Variants in GRIA1 observed in about 807,000 individuals in gnomAD.
GRIA1 encodes glutamate receptor 1.
Under a neutral mutation model 99.2 loss-of-function variants are expected in GRIA1, and 31 were observed. The ratio of observed to expected loss-of-function variants is 0.31; its 90% CI spans 0.23 to 0.42. GRIA1 has a LOEUF of 0.42. Ranked by LOEUF, GRIA1 falls within the 10% of genes least tolerant of loss-of-function variation. The pLI, the probability that GRIA1 is intolerant of heterozygous loss-of-function variation, is 1.00. For synonymous variants in GRIA1, 438 were observed against 432.4 expected (o/e 1.01, Z -0.16); for missense variants, 782 against 1,157.5 (o/e 0.68, Z 4.71).
At chr5:153,666,328 C>A (rs1218702386) in intron 5 of GRIA1, among the ~76,000 whole-genome samples, 1 of 152,124 alleles carries the variant, frequency 6.6e-6, no homozygotes, top group African/African-American at 2.4e-5. Context: ...AGGGCCCCTG[C>A]ACGTTCAAAG....
At chr5:153,655,245 C>T (rs1156416959) in intron 4 of GRIA1, among the ~76,000 whole-genome samples, 1 of 152,178 alleles carries the variant, frequency 6.6e-6, no homozygotes. Flanking sequence ...GAGTACCTAA[C>T]TGATTCGGGG....
At chr5:153,610,478 A>G (rs1765882005) in intron 2 of GRIA1, among the ~76,000 whole-genome samples, 1 of 152,216 alleles carries the variant, frequency 6.6e-6, no homozygotes, top group Non-Finnish European at 1.5e-5. Flanking sequence ...CTTTGTTGTT[A>G]TCGTTGTTGT....
chr5:153,811,481 A>T lies in GRIA1; in HGVS notation c.*256A>T, dbSNP rs2149684422. ...AATAACACTGTACTGCAATAAGGGG[A>T]GAGTAACCCTGTCTAATGAAACCTG... On this transcript the variant is annotated 3_prime_UTR_variant, in exon 16 of 16. Transcript: ENST00000285900. 4.6e-6 allele frequency: 2 copies of T among 433,050 alleles called. No individual in the cohort carries two copies. The highest frequency in any genetic ancestry group is 2.3e-5 in the South Asian group (1 of 42,564). The allele number at this position is 433,050 out of a possible 1,614,324, so 26.8% of individuals were successfully genotyped here.
chr5:153,507,895 G>A (rs565286898), intron 2 of GRIA1, among the ~76,000 whole-genome samples: 2 of 152,248 alleles, frequency 1.3e-5, no homozygotes, highest in East Asian at 1.9e-4. Context: ...ACTACCTAGT[G>A]TTGCCACAAA....
intron 13 of GRIA1, among the ~76,000 whole-genome samples, chr5:153,788,966 C>CCATAT (rs1367378436): frequency 6.6e-6 from 1 of 152,178 alleles, no homozygotes; most frequent in Non-Finnish European, 1.5e-5. Flanking sequence ...CATTTCTTTT[C>CCATAT]CATATTGACT....
At chr5:153,773,391 T>A (rs1049230321) in intron 13 of GRIA1, among the ~76,000 whole-genome samples, 16 of 152,118 alleles carry the variant, frequency 1.1e-4, no homozygotes, top group Non-Finnish European at 2.1e-4. Context: ...GCCAGGTCCT[T>A]TGCACCTATT....
chr5:153,762,573 G>C (rs1253803285), intron 11 of GRIA1, among the ~76,000 whole-genome samples: 1 of 152,090 alleles, frequency 6.6e-6, no homozygotes, highest in Non-Finnish European at 1.5e-5. Context: ...GTATATCCTG[G>C]TCTACCTACT....
intron 2 of GRIA1, among the ~76,000 whole-genome samples, chr5:153,527,956 C>T (rs1417908617): frequency 6.6e-6 from 1 of 152,136 alleles, no homozygotes; most frequent in Non-Finnish European, 1.5e-5. Context: ...AAGCTTAGTG[C>T]ACACAATTAC....
chr5:153,574,448 T>G (rs1762371999), intron 2 of GRIA1: 2 of 152,180 alleles, frequency 1.3e-5, no homozygotes. Flanking sequence ...AGGAAAAATA[T>G]AAGCCTCTTT....
At chr5:153,633,416 G>A (rs1011825457) in intron 2 of GRIA1, among the ~76,000 whole-genome samples, 1 of 152,134 alleles carries the variant, frequency 6.6e-6, no homozygotes, top group Non-Finnish European at 1.5e-5. Context: ...AGCAGGAGTT[G>A]TTTCCTGCCA....
At chr5:153,651,861 T>C (rs1176837316) in intron 4 of GRIA1, among the ~76,000 whole-genome samples, 1 of 152,166 alleles carries the variant, frequency 6.6e-6, no homozygotes, top group African/African-American at 2.4e-5. Flanking sequence ...AAGATAATAG[T>C]TAAGAGCAGA....
chr5:153,577,771 A>T (rs1042439812), intron 2 of GRIA1, among the ~76,000 whole-genome samples: 1 of 152,162 alleles, frequency 6.6e-6, no homozygotes, highest in African/African-American at 2.4e-5. Flanking sequence ...AGTAAGGGGG[A>T]CAAGACACCT....
chr5:153,731,123 G>T (rs1191631864), intron 11 of GRIA1, among the ~76,000 whole-genome samples: 1 of 152,014 alleles, frequency 6.6e-6, no homozygotes, highest in Non-Finnish European at 1.5e-5. Flanking sequence ...CAACTCTGAA[G>T]GATAAAGTCT....
At chr5:153,555,682 G>C (rs775892236) in intron 2 of GRIA1, among the ~76,000 whole-genome samples, 7 of 152,172 alleles carry the variant, frequency 4.6e-5, no homozygotes, top group Non-Finnish European at 7.3e-5. Context: ...TGCATACAGA[G>C]ACTGATCTAG....
At position 153,490,860 on chromosome 5, in the gene GRIA1, G is replaced by A; in HGVS notation, c.-29G>A. The A allele has an allele frequency of 1.9e-6, 3 of 1,543,688 alleles. No homozygotes were observed. The highest frequency in any genetic ancestry group is 2.7e-6 in the Non-Finnish European group (3 of 1,116,026). On this transcript the variant is annotated 5_prime_UTR_variant, in exon 1 of 16. Coordinates refer to ENST00000285900, the MANE Select transcript of GRIA1 (RefSeq NM_000827.4). ...ACACCAAATCTATGATTGGACCTGG[G>A]CTTCTTTTTCGCCAATGCAAAAAGG...
chr5:153,811,569 A>G lies in GRIA1; in HGVS notation c.*344A>G. 3.7e-6 allele frequency: 1 copy of G among 270,228 alleles called. No individual in the cohort carries two copies. Among genetic ancestry groups the G allele is most frequent in the Non-Finnish European group, 7.2e-6 (1 of 137,954 alleles). 16.7% of individuals were successfully genotyped at this position (270,228 alleles called of 1,614,324 possible). On this transcript the variant is annotated 3_prime_UTR_variant, in exon 16 of 16. Transcript: ENST00000285900. ...AAACTGCACTGTTTTATTTTAATTC[A>G]GTTGTTAGTGTGTCTTAGTGTGTGC...
At chr5:153,802,597 C>T in intron 15 of GRIA1, 107 bp downstream of exon 15, 2 of 1,084,338 alleles carry the variant, frequency 1.8e-6, no homozygotes, top group South Asian at 2.7e-5. Flanking sequence ...TGGTTGAGGT[C>T]AGCACAAGAC....
rs1256352252 is a variant in GRIA1 at position 153,550,583 on chromosome 5, T to C, written c.220+56518T>C. 3.3e-5 allele frequency among the ~76,000 whole-genome samples: 5 copies of C among 152,084 alleles called. 1 individual carries two copies. The highest frequency in any genetic ancestry group is 1.5e-5 in the Non-Finnish European group (1 of 68,012). ...AACCATATTTGCAACTAGAACCAAA[T>C]CAACTACTGCTAGAAAATTTAAAAT... On this transcript the variant is annotated intron_variant, in intron 2 of 15. Transcript: ENST00000285900.
chr5:153,518,446 C>T (rs1228904361), intron 2 of GRIA1, among the ~76,000 whole-genome samples: 1 of 152,116 alleles, frequency 6.6e-6, no homozygotes, highest in East Asian at 1.9e-4. Flanking sequence ...TCTGAAGTGG[C>T]TATTTCTTTC....
Sources: gnomAD v4.1 joint callset for allele counts (sites outside exome capture counted in the v4.1 genomes callset) on GRCh38, gnomAD v4.1.1 for gene constraint, MANE v1.5 for transcripts, NCBI Gene and HGNC (gene_info 2026-07-23, HGNC 2026-07-21) for gene names.